Variants in LINGO2 observed in about 807,000 individuals in gnomAD.
LINGO2 encodes leucine-rich repeat and immunoglobulin-like domain-containing nogo receptor-interacting protein 2.
A neutral mutation model predicts 30.6 loss-of-function variants in LINGO2; 14 were observed. The ratio of observed to expected loss-of-function variants is 0.46; its 90% confidence interval spans 0.30 to 0.72. The LOEUF (loss-of-function observed/expected upper bound fraction) is 0.72. LINGO2 is among the 30% of genes least tolerant of loss of function. LINGO2 has a pLI of 0.07. For missense variants in LINGO2, 729 were observed against 751.7 expected (o/e 0.97, Z 0.35); for synonymous variants, 317 against 288.5 (o/e 1.10, Z -1.00).
chr9:28,177,082 GTTA>G (rs1318203227), intron 4 of LINGO2, among the ~76,000 whole-genome samples: 3 of 152,150 alleles, frequency 2.0e-5, no homozygotes, highest in Non-Finnish European at 4.4e-5. Flanking sequence ...ACATGCAAAT[GTTA>G]TTATAGAAAG....
intron 4 of LINGO2, among the ~76,000 whole-genome samples, chr9:28,174,921 T>TGAGAGA (rs71502440): frequency 1.5e-5 from 2 of 133,414 alleles, no homozygotes; most frequent in East Asian, 4.3e-4. Flanking sequence ...TGTGTGTGTG[T>TGAGAGA]GAGAGAGAGA....
upstream of LINGO2, among the ~76,000 whole-genome samples, chr9:28,674,880 C>T (rs1829157337): frequency 6.6e-6 from 1 of 152,108 alleles, no homozygotes; most frequent in Non-Finnish European, 1.5e-5. Context: ...AGCCTCTCAC[C>T]TGAAGCTCCA....
intron 3 of LINGO2, among the ~76,000 whole-genome samples, chr9:28,320,188 A>G (rs1364336009): frequency 6.6e-6 from 1 of 152,124 alleles, no homozygotes; most frequent in African/African-American, 2.4e-5. Flanking sequence ...GCTTAGTTCC[A>G]TCATTTCCAA....
chr9:29,016,033 T>C, the LINGO2 span, among the ~76,000 whole-genome samples: 1 of 152,174 alleles, frequency 6.6e-6, no homozygotes, highest in Non-Finnish European at 1.5e-5. Context: ...CAATCCTTAA[T>C]ATTGTGCCTT....
At chr9:28,182,677 C>T (rs1388874624) in intron 4 of LINGO2, among the ~76,000 whole-genome samples, 4 of 152,106 alleles carry the variant, frequency 2.6e-5, no homozygotes, top group East Asian at 3.8e-4. Context: ...CAAAAGAAGA[C>T]ATTTACATGG....
At chr9:28,884,952 T>TATA in the LINGO2 span, among the ~76,000 whole-genome samples, 3 of 7,042 alleles carry the variant, frequency 4.3e-4, no homozygotes, top group Non-Finnish European at 9.0e-4. Flanking sequence ...ATATATAATA[T>TATA]ATAATATTTT....
intron 1 of LINGO2, among the ~76,000 whole-genome samples, chr9:28,551,584 A>T (rs1461589429): frequency 6.6e-6 from 1 of 152,038 alleles, no homozygotes; most frequent in African/African-American, 2.4e-5. Context: ...GTTGTACACA[A>T]AAGCCACAGA....
chr9:29,144,789 C>G, the LINGO2 span, among the ~76,000 whole-genome samples: 1 of 151,972 alleles, frequency 6.6e-6, no homozygotes. Flanking sequence ...AGTTAGTCAT[C>G]AGGAATTACT....
At chr9:28,958,791 AGAGACT>A in the LINGO2 span, among the ~76,000 whole-genome samples, 4 of 152,048 alleles carry the variant, frequency 2.6e-5, no homozygotes, top group African/African-American at 4.8e-5. Flanking sequence ...AGGAGGAGTG[AGAGACT>A]GAGAGAAAGA....
intron 4 of LINGO2, among the ~76,000 whole-genome samples, chr9:28,209,929 A>T (rs1283753932): frequency 6.6e-6 from 1 of 151,864 alleles, no homozygotes; most frequent in Non-Finnish European, 1.5e-5. Context: ...CTGAAAAATA[A>T]AAAATTCCAC....
At chr9:29,140,572 G>A in the LINGO2 span, among the ~76,000 whole-genome samples, 8 of 151,792 alleles carry the variant, frequency 5.3e-5, no homozygotes, top group East Asian at 2.0e-4. Context: ...TATTATGGAA[G>A]TCTCAGAAAG....
the LINGO2 span, among the ~76,000 whole-genome samples, chr9:29,110,264 G>T: frequency 6.6e-6 from 1 of 152,176 alleles, no homozygotes; most frequent in African/African-American, 2.4e-5. Flanking sequence ...GATAGTTCTG[G>T]AAATGTCAGG....
intron 4 of LINGO2, among the ~76,000 whole-genome samples, chr9:28,060,940 C>A (rs940683203): frequency 4.6e-5 from 7 of 151,964 alleles, no homozygotes; most frequent in African/African-American, 1.7e-4. Context: ...GAACACTAAC[C>A]CCCAGTATCC....
intron 4 of LINGO2, among the ~76,000 whole-genome samples, chr9:28,216,180 A>G (rs1395275706): frequency 6.6e-6 from 1 of 151,894 alleles, no homozygotes; most frequent in Non-Finnish European, 1.5e-5. Flanking sequence ...ATTATTTTAG[A>G]ATGATTTATT....
At chr9:28,430,268 T>C (rs1823610248) in intron 2 of LINGO2, among the ~76,000 whole-genome samples, 2 of 152,268 alleles carry the variant, frequency 1.3e-5, no homozygotes, top group South Asian at 2.1e-4. Context: ...GTGCCAGCCA[T>C]GTGACTTAGG....
chr9:28,590,789 C>G (rs1173642497), intron 1 of LINGO2, among the ~76,000 whole-genome samples: 1 of 152,038 alleles, frequency 6.6e-6, no homozygotes, highest in Non-Finnish European at 1.5e-5. Flanking sequence ...ACCATTTGAC[C>G]CAGCCATCCC....
chr9:28,820,141 G>A, the LINGO2 span, among the ~76,000 whole-genome samples: 1 of 151,734 alleles, frequency 6.6e-6, no homozygotes, highest in African/African-American at 2.4e-5. Context: ...TTTAAAAACA[G>A]TGAAACCAGT....
chr9:28,468,294 G>A (rs529127529), intron 2 of LINGO2, among the ~76,000 whole-genome samples: 2 of 152,280 alleles, frequency 1.3e-5, no homozygotes, highest in South Asian at 4.1e-4. Context: ...GGACCAGAAA[G>A]AGCGAAGTAG....
At chr9:28,087,453 A>G (rs771489446) in intron 4 of LINGO2, among the ~76,000 whole-genome samples, 1 of 152,130 alleles carries the variant, frequency 6.6e-6, no homozygotes, top group Non-Finnish European at 1.5e-5. Flanking sequence ...ACCTCTAAGC[A>G]GAAATATAAG....
Sources: gnomAD v4.1 joint callset for allele counts (sites outside exome capture counted in the v4.1 genomes callset) on GRCh38, gnomAD v4.1.1 for gene constraint, MANE v1.5 for transcripts, NCBI Gene and HGNC (gene_info 2026-07-23, HGNC 2026-07-21) for gene names.